Variants in ACCS observed in about 807,000 individuals in gnomAD.
The protein encoded by ACCS is 1-aminocyclopropane-1-carboxylate synthase homolog (inactive).
A neutral mutation model predicts 59.8 loss-of-function variants in ACCS; 42 were observed. That is an observed-to-expected ratio of 0.70 (90% CI 0.55 to 0.91). ACCS has a LOEUF of 0.91. Ranked by LOEUF, ACCS falls within the 40% of genes least tolerant of loss-of-function variation. The probability of loss-of-function intolerance (pLI) is 0.00; values close to 1 mark genes in which losing one functional copy is unlikely to be tolerated. For missense variants in ACCS, 602 were observed against 630.4 expected, an observed-to-expected ratio of 0.95 and a Z score of 0.48; for synonymous variants, 230 against 240.3, an observed-to-expected ratio of 0.96 and a Z score of 0.40.
chr11:44,077,803 G>A (rs1953447766), intron 7 of ACCS, 42 bp from the exon 8 acceptor site: 1 of 1,605,184 alleles, frequency 6.2e-7, no homozygotes, highest in Admixed American at 1.7e-5. Flanking sequence ...GGGGGCAATG[G>A]TCACTGAATG....
chr11:44,078,479 T>G, intron 8 of ACCS: 1 of 493,074 alleles, frequency 2.0e-6, no homozygotes, highest in Middle Eastern at 5.3e-4. Context: ...GGTATTTGGG[T>G]ATATTTTTTC....
intron 12 of ACCS, 67 bp downstream of exon 12, chr11:44,081,387 A>T: frequency 1.3e-6 from 2 of 1,588,432 alleles, no homozygotes; most frequent in Non-Finnish European, 1.7e-6. Context: ...AACAGCCAGG[A>T]ATCATAGATA....
chr11:44,072,546 T>C (rs1167753523), intron 3 of ACCS: 1 of 152,060 alleles, frequency 6.6e-6, no homozygotes, highest in African/African-American at 2.4e-5. Context: ...GCCACATATA[T>C]CAATTTAAAT....
At chr11:44,078,398 A>G (rs1428387117) in intron 8 of ACCS, 1 of 400,278 alleles carries the variant, frequency 2.5e-6, no homozygotes, top group Non-Finnish European at 4.4e-6. Context: ...TGAAAGCTAT[A>G]CATACTCACT....
At chr11:44,067,524 A>C in intron 1 of ACCS, 104 bp from the exon 2 acceptor site, 1 of 1,206,286 alleles carries the variant, frequency 8.3e-7, no homozygotes, top group South Asian at 1.5e-5. Flanking sequence ...ACCTAAAGGA[A>C]GGGGCAGATA....
intron 6 of ACCS, among the ~76,000 whole-genome samples, chr11:44,076,509 T>C (rs180758573): frequency 6.6e-6 from 1 of 152,258 alleles, no homozygotes; most frequent in East Asian, 1.9e-4. Flanking sequence ...GAGAGATTCA[T>C]TGTAAGGATA....
intron 9 of ACCS, chr11:44,079,100 A>G (rs1393923766): frequency 4.9e-6 from 2 of 405,026 alleles, no homozygotes; most frequent in Admixed American, 7.4e-5. Flanking sequence ...TGTGCCTCAT[A>G]CAATCCTCAC....
intron 6 of ACCS, 146 bp downstream of exon 6, chr11:44,075,738 A>C (rs1350333884): frequency 1.1e-6 from 1 of 943,882 alleles, no homozygotes; most frequent in Non-Finnish European, 1.5e-6. Context: ...AAGTGGCTTG[A>C]CAAAGCACCC....
rs1953754527 is a variant in ACCS at position 44,083,903 on chromosome 11, C to T, written c.*111C>T. 1 of 1,507,814 alleles carries T rather than the reference C, an allele frequency of 6.6e-7. No individual in the cohort carries two copies. Among genetic ancestry groups the T allele is most frequent in the Admixed American group, 2.1e-5 (1 of 46,872 alleles). 93.4% of individuals were successfully genotyped at this position (1,507,814 alleles called of 1,614,324 possible). On this transcript the variant is annotated 3_prime_UTR_variant, in exon 15 of 15. Coordinates refer to ENST00000263776, the MANE Select transcript of ACCS (RefSeq NM_032592.4). Reference sequence around the variant, plus strand: ...TGCCATTTGCCAGGAAGGTATCTAACTTGGCTTTGTGCCTGAAGAACTGTT... The same window carrying T: ...TGCCATTTGCCAGGAAGGTATCTAATTTGGCTTTGTGCCTGAAGAACTGTT...
In ACCS at chr11:44,076,658, T is replaced by A. The variant is rs114729366; in HGVS notation, c.557-621T>A. Among the ~76,000 whole-genome samples the A allele has an allele frequency of 3.4e-3, 523 of 152,332 alleles. 5 individuals carry two copies. The highest frequency in any genetic ancestry group is 0.012 in the African/African-American group (490 of 41,550). On this transcript the variant is annotated intron_variant, in intron 6 of 14. Coordinates refer to ENST00000263776, the MANE Select transcript of ACCS (RefSeq NM_032592.4). ...ATTGTCAGGAGCAAATGAGATAAAA[T>A]AGAAACAAATGTTCAGTGCATTTCC...
At position 44,067,687 on chromosome 11, in the gene ACCS, C is replaced by T. The variant is rs1952855470; in HGVS notation, c.60C>T (p.Cys20=). Residue 20 remains cysteine, a synonymous_variant, in exon 2 of 15, where the codon TGC becomes TGT. Coordinates refer to ENST00000263776, the MANE Select transcript of ACCS (RefSeq NM_032592.4). ...RAPTTCLGPT[C]MQDLGSSHGE... ...CCACCACCTGTCTGGGCCCCACCTG[C>T]ATGCAGGACCTGGGCAGTAGCCATG... 4 of 1,614,152 alleles carry T rather than the reference C, an allele frequency of 2.5e-6. No homozygotes were observed. Among genetic ancestry groups the T allele is most frequent in the Non-Finnish European group, 2.5e-6 (3 of 1,180,000 alleles).
intron 10 of ACCS, chr11:44,080,819 C>G: frequency 1.6e-6 from 1 of 614,104 alleles, no homozygotes; most frequent in Non-Finnish European, 2.9e-6. Flanking sequence ...AGGCAGCAGG[C>G]TATGTTTGGC....
rs759857734 is a variant in ACCS at position 44,077,848 on chromosome 11, A to G, written c.658A>G (p.Thr220Ala). 5 of 1,613,272 alleles carry G rather than the reference A, an allele frequency of 3.1e-6. No individual in the cohort carries two copies. In the African/African-American group the frequency reaches 4.0e-5, roughly 13 times the overall value. The change falls in exon 8 of 15, where the codon ACT (threonine) becomes GCT (alanine). Residue 220 changes from threonine (T) to alanine (A), a missense_variant. Transcript: ENST00000263776. Reference protein sequence around the residue: ...LAYVYLDSEVTGLDTRPFQLT... With the variant: ...LAYVYLDSEVAGLDTRPFQLT... The stretch of plus-strand genomic sequence containing the variant: ...GCTCTGATGGGTCTTTTTCCAGGTC[A>G]CTGGGCTAGACACACGCCCCTTCCA...
intron 2 of ACCS, among the ~76,000 whole-genome samples, chr11:44,068,272 T>C (rs1396448200): frequency 6.6e-6 from 1 of 152,190 alleles, no homozygotes; most frequent in Non-Finnish European, 1.5e-5. Flanking sequence ...AGCTAGTTAC[T>C]TAACTTCCTT....
At chr11:44,082,895 A>C (rs1014954451) in intron 12 of ACCS, among the ~76,000 whole-genome samples, 1 of 152,088 alleles carries the variant, frequency 6.6e-6, no homozygotes, top group African/African-American at 2.4e-5. Flanking sequence ...ATTGGGTTCG[A>C]TTCTTTATCC....
chr11:44,075,317 T>C, intron 5 of ACCS, among the ~76,000 whole-genome samples: 1 of 152,210 alleles, frequency 6.6e-6, no homozygotes, highest in East Asian at 1.9e-4. Context: ...ACCCTCTAAA[T>C]GACCAGCCCC....
At chr11:44,073,856 C>G (rs1338000642) in intron 4 of ACCS, among the ~76,000 whole-genome samples, 2 of 152,148 alleles carry the variant, frequency 1.3e-5, no homozygotes, top group East Asian at 3.9e-4. Flanking sequence ...AAGTCTTTGT[C>G]CTTGCTTTGA....
chr11:44,084,005 A>G lies in ACCS; in HGVS notation c.*213A>G. On this transcript the variant is annotated 3_prime_UTR_variant, in exon 15 of 15. Transcript: ENST00000263776. ...GGGCCCTCCCTCTCTCCTATTAAAC[A>G]AAACTAGGAGAGTCCATATGTCTCC... The G allele has an allele frequency of 9.8e-7, 1 of 1,023,560 alleles. No homozygotes were observed. Among genetic ancestry groups the G allele is most frequent in the Non-Finnish European group, 1.4e-6 (1 of 732,660 alleles). The allele number at this position is 1,023,560 out of a possible 1,614,324, so 63.4% of individuals were successfully genotyped here.
At chr11:44,074,913 C>G (rs1417201393) in intron 5 of ACCS, among the ~76,000 whole-genome samples, 1 of 150,616 alleles carries the variant, frequency 6.6e-6, no homozygotes, top group Non-Finnish European at 1.5e-5. Context: ...CATCCTCTGC[C>G]TCTTGTGTTT....
Sources: gnomAD v4.1 joint callset for allele counts (sites outside exome capture counted in the v4.1 genomes callset) on GRCh38, gnomAD v4.1.1 for gene constraint, MANE v1.5 for transcripts, NCBI Gene and HGNC (gene_info 2026-07-23, HGNC 2026-07-21) for gene names.